VPS13C: variants seen among roughly 807,000 people sequenced by gnomAD.
VPS13C encodes the protein intermembrane lipid transfer protein VPS13C.
VPS13C carries 358 observed loss-of-function variants against 456.8 expected under a neutral mutation model. The observed-to-expected ratio is 0.78, with a 90% CI of 0.72 to 0.86. The LOEUF (loss-of-function observed/expected upper bound fraction) is 0.86, where lower values mean the gene tolerates loss of function less well. VPS13C is among the 40% of genes least tolerant of loss of function. The probability of loss-of-function intolerance (pLI) is 0.00; values close to 1 mark genes in which losing one functional copy is unlikely to be tolerated. For missense variants in VPS13C, 4,818 were observed against 4,385.4 expected, an observed-to-expected ratio of 1.10 and a Z score of -2.79; for synonymous variants, 1,578 against 1,486.7, an observed-to-expected ratio of 1.06 and a Z score of -1.41.
intron 66 of VPS13C, among the ~76,000 whole-genome samples, chr15:61,904,307 A>AT (rs1302916669): frequency 6.7e-6 from 1 of 150,060 alleles, no homozygotes; most frequent in Non-Finnish European, 1.5e-5. Flanking sequence ...GAATTCCTTA[A>AT]AAAAAAAAAA....
chr15:61,868,230 C>T (rs1566956806), intron 81 of VPS13C, among the ~76,000 whole-genome samples: 1 of 151,938 alleles, frequency 6.6e-6, no homozygotes. Context: ...CATAATTATA[C>T]ATAATCTTTT....
intron 42 of VPS13C, 135 bp downstream of exon 42, chr15:61,949,306 ATT>A: frequency 1.0e-6 from 1 of 980,334 alleles, no homozygotes; most frequent in South Asian, 1.6e-5. Flanking sequence ...TAGAGATAAC[ATT>A]TTCTTTCTCT....
chr15:61,988,086 G>A (rs2046113136), intron 18 of VPS13C, among the ~76,000 whole-genome samples: 2 of 152,118 alleles, frequency 1.3e-5, no homozygotes, highest in Admixed American at 6.5e-5. Context: ...CAACATGGAT[G>A]AATATCAAAA....
intron 5 of VPS13C, among the ~76,000 whole-genome samples, chr15:62,031,643 G>A (rs2047824477): frequency 6.6e-6 from 1 of 151,704 alleles, no homozygotes; most frequent in Non-Finnish European, 1.5e-5. Flanking sequence ...TTCACTTTTT[G>A]AATTTTAATT....
intron 66 of VPS13C, 76 bp downstream of exon 66, chr15:61,907,188 G>C: frequency 6.3e-7 from 1 of 1,597,398 alleles, no homozygotes; most frequent in East Asian, 2.2e-5. Context: ...TTAGGACAAG[G>C]AGTCAGTGAA....
At chr15:61,891,158 A>C (rs1022372483) in intron 66 of VPS13C, among the ~76,000 whole-genome samples, 2 of 152,228 alleles carry the variant, frequency 1.3e-5, no homozygotes, top group Non-Finnish European at 2.9e-5. Context: ...GGTGAAGGTT[A>C]TATGTAGCAC....
intron 61 of VPS13C, among the ~76,000 whole-genome samples, chr15:61,915,079 C>T (rs986131925): frequency 1.1e-4 from 16 of 151,364 alleles, no homozygotes; most frequent in Non-Finnish European, 2.1e-4. Flanking sequence ...ATGAAGAAGA[C>T]AGAAAAAAAA....
intron 47 of VPS13C, among the ~76,000 whole-genome samples, chr15:61,939,099 A>T (rs1772428968): frequency 6.6e-6 from 1 of 152,328 alleles, no homozygotes; most frequent in East Asian, 1.9e-4. Flanking sequence ...ATATGAAGAT[A>T]CCAAAATTTT....
In VPS13C at chr15:61,997,835, T is replaced by G. The variant is rs181412171; in HGVS notation, c.1353+2729A>C. ...TAGCCTCCTAACTGCTCCCCCTGTCTTCACTCTTGCCTTCCTTCCTACAGT... is the reference window on the plus strand; with the variant it reads ...TAGCCTCCTAACTGCTCCCCCTGTCGTCACTCTTGCCTTCCTTCCTACAGT... On this transcript the variant is annotated intron_variant, in intron 16 of 84. Coordinates refer to ENST00000644861, the MANE Select transcript of VPS13C (RefSeq NM_020821.3). 5.8e-3 allele frequency among the ~76,000 whole-genome samples: 881 copies of G among 152,298 alleles called. 8 individuals are homozygous for G. The highest frequency in any genetic ancestry group is 0.02 in the African/African-American group (831 of 41,570).
chr15:61,917,973 T>C lies in VPS13C; in HGVS notation c.7760+163A>G, dbSNP rs78394292. On this transcript the variant is annotated intron_variant, in intron 59 of 84. Transcript: ENST00000644861. ...TATACAGTCAGGAATTTTCACCTGA[T>C]AAATTCAATGATAATATAAATGTAT... Among the ~76,000 whole-genome samples the C allele has an allele frequency of 1.7e-4, 26 of 152,236 alleles. No homozygotes were observed. The East Asian group carries it at 3.9e-3, about 23-fold the overall frequency.
intron 66 of VPS13C, among the ~76,000 whole-genome samples, chr15:61,892,916 G>A (rs771722177): frequency 6.6e-6 from 1 of 152,156 alleles, no homozygotes; most frequent in Non-Finnish European, 1.5e-5. Flanking sequence ...TTAGCTCTAA[G>A]ACAGGCTATT....
At position 61,858,673 on chromosome 15, in the gene VPS13C, T is replaced by C. The variant is rs1346672244; in HGVS notation, c.10953-2264A>G. Among the ~76,000 whole-genome samples the C allele has an allele frequency of 6.6e-6, 1 of 152,174 alleles. No individual in the cohort carries two copies. Among genetic ancestry groups the C allele is most frequent in the Non-Finnish European group, 1.5e-5 (1 of 68,036 alleles). ...TTTATGTAGGTGGGCCTGACCTAAG[T>C]TCATGGACTATAAATCTGCGTAAGA... On this transcript the variant is annotated intron_variant, in intron 82 of 84. Coordinates refer to ENST00000644861, the MANE Select transcript of VPS13C (RefSeq NM_020821.3). The surrounding 1 kb of genome is among the most constrained non-coding windows in gnomAD (Gnocchi z 4.4).
intron 30 of VPS13C, 86 bp from the exon 31 acceptor site, chr15:61,964,947 G>A: frequency 7.9e-7 from 1 of 1,271,982 alleles, no homozygotes; most frequent in South Asian, 1.6e-5. Flanking sequence ...ATTCTCAGGT[G>A]GGCTTACATC....
Position 62,023,515 on chromosome 15 carries a change from G to A in VPS13C, c.520C>T (p.Pro174Ser). 1 of 1,558,674 alleles carries A rather than the reference G, an allele frequency of 6.4e-7. No individual in the cohort carries two copies. The highest frequency in any genetic ancestry group is 8.6e-7 in the Non-Finnish European group (1 of 1,158,730). ...FKGLDRSKDKPKEAKKDTFVE... is the reference protein window; with the variant it reads ...FKGLDRSKDKSKEAKKDTFVE... ...AATGTATCCTTTTTGGCTTCTTTTG[G>A]CTTATCTATTAAAAAATAGAAAAAT... The change falls in exon 8 of 85, where the codon CCA (proline) becomes TCA (serine). Residue 174 changes from proline to serine, a missense_variant. Pro to Ser is a moderately conservative substitution (Grantham distance 74). Transcript: ENST00000644861.
At chr15:61,937,636 G>A (rs149393498) in intron 47 of VPS13C, among the ~76,000 whole-genome samples, 1,709 of 152,160 alleles carry the variant, frequency 0.011, 29 homozygotes, top group African/African-American at 0.039. Context: ...CACCACGCCC[G>A]GCTAATTTTT....
rs569078594 is a variant in VPS13C, at chr15:62,017,765, G to A, written c.684+2714C>T. Among the ~76,000 whole-genome samples the A allele has an allele frequency of 7.4e-4, 113 of 152,280 alleles. 2 individuals are homozygous for A. In the East Asian group the frequency reaches 0.017, roughly 23 times the overall value. The stretch of plus-strand genomic sequence containing the variant: ...TTTGGCTTAGGATTGACTTGGCAAT[G>A]TGGGCTCTTTTTTGGTTCCATACGA... On this transcript the variant is annotated intron_variant, in intron 9 of 84. Transcript: ENST00000644861.
At chr15:61,873,189 C>G in intron 78 of VPS13C, 57 bp downstream of exon 78, 1 of 1,604,758 alleles carries the variant, frequency 6.2e-7, no homozygotes, top group Non-Finnish European at 8.5e-7. Flanking sequence ...ACACAACCAG[C>G]TAGAATACAC....
chr15:61,999,064 G>C (rs1447947829), intron 16 of VPS13C, among the ~76,000 whole-genome samples: 5 of 152,130 alleles, frequency 3.3e-5, no homozygotes, highest in Admixed American at 2.6e-4. Context: ...GCTATCAGTA[G>C]TTAAGTTTTT....
chr15:62,041,011 T>G lies in VPS13C; in HGVS notation c.187+313A>C, dbSNP rs141692253. Among the ~76,000 whole-genome samples the G allele has an allele frequency of 6.6e-3, 998 of 152,222 alleles. 9 individuals are homozygous for G. The highest frequency in any genetic ancestry group is 0.046 in the South Asian group (221 of 4,826). On this transcript the variant is annotated intron_variant, in intron 3 of 84. Transcript: ENST00000644861. ...TTTGCAAATTATACTACTTTCACAT[T>G]TAAAGAAAAAGCACATAAAACTTGG...
Sources: allele counts gnomAD v4.1 joint callset (sites outside exome capture counted in the v4.1 genomes callset), GRCh38; gene constraint gnomAD v4.1.1; non-coding constraint Gnocchi (gnomAD v3.1); transcripts MANE v1.5; gene names NCBI Gene and HGNC (gene_info 2026-07-23, HGNC 2026-07-21).